SLC25A46: variants seen among roughly 807,000 people sequenced by gnomAD.
SLC25A46 encodes solute carrier family 25 member 46, also known as mitochondrial outer membrane protein SLC25A46.
A neutral mutation model predicts 44.6 loss-of-function variants in SLC25A46; 39 were observed. The ratio of observed to expected loss-of-function variants is 0.87; its 90% confidence interval spans 0.68 to 1.14. SLC25A46 has a LOEUF of 1.14. SLC25A46 is among the 50% of genes most tolerant of loss of function. The pLI is 0.00. For synonymous variants in SLC25A46, 202 were observed against 185.8 expected (o/e 1.09, Z -0.71); for missense variants, 547 against 522.7 (o/e 1.05, Z -0.45).
Position 110,739,384 on chromosome 5 carries a change from G to C in SLC25A46, c.265G>C (p.Val89Leu), listed in dbSNP as rs777269362. Residue 89 changes from valine to leucine, a missense_variant, in exon 1 of 8, where the codon GTG becomes CTG. Physicochemically the swap from Val to Leu is conservative, Grantham distance 32 (BLOSUM62 1). Transcript: ENST00000355943. ...EPFSSGGGGS[V>L]QGQSSEQLNR... Reference sequence around the variant, plus strand: ...CTTTTCCAGTGGCGGCGGCGGCAGTGTGCAGGGGCAGAGCAGTGGTGAGAA... The same window carrying C: ...CTTTTCCAGTGGCGGCGGCGGCAGTCTGCAGGGGCAGAGCAGTGGTGAGAA... The C allele has an allele frequency of 2.4e-5, 37 of 1,547,198 alleles. No individual in the cohort carries two copies. The highest frequency in any genetic ancestry group is 2.2e-4 in the South Asian group (19 of 84,664).
chr5:110,756,302 G>T (rs1800110394), intron 6 of SLC25A46, among the ~76,000 whole-genome samples: 1 of 151,696 alleles, frequency 6.6e-6, no homozygotes, highest in African/African-American at 2.4e-5. Context: ...AACTCTGCTG[G>T]ATGGGAAATC....
At chr5:110,755,620 A>G (rs1415828783) in intron 6 of SLC25A46, 99 bp downstream of exon 6, 12 of 699,768 alleles carry the variant, frequency 1.7e-5, no homozygotes, top group Non-Finnish European at 2.8e-5. Context: ...AGAGAAGGAA[A>G]TTAGAGCAGT....
intron 1 of SLC25A46, chr5:110,741,530 T>A (rs1799689821): frequency 6.6e-6 from 1 of 152,340 alleles, no homozygotes; most frequent in Admixed American, 6.5e-5. Context: ...ATAACTAGTT[T>A]TACAGCATAA....
intron 5 of SLC25A46, among the ~76,000 whole-genome samples, chr5:110,753,039 T>C (rs75811300): frequency 3.3e-5 from 5 of 151,662 alleles, no homozygotes; most frequent in Admixed American, 3.3e-4. Context: ...GGGCAAAGAG[T>C]GCTTCAAGGA....
At chr5:110,755,146 T>G (rs921108182) in intron 5 of SLC25A46, 1 of 187,310 alleles carries the variant, frequency 5.3e-6, no homozygotes, top group Admixed American at 6.3e-5. Context: ...TGTTTCCATA[T>G]CTATTCTCTT....
At chr5:110,756,882 T>A in intron 7 of SLC25A46, 123 bp downstream of exon 7, 6 of 532,806 alleles carry the variant, frequency 1.1e-5, no homozygotes, top group Non-Finnish European at 1.6e-5. Flanking sequence ...ATATTTATTT[T>A]ATAAATATCA....
chr5:110,749,538 T>G (rs1489935371), intron 5 of SLC25A46, among the ~76,000 whole-genome samples: 1 of 151,194 alleles, frequency 6.6e-6, no homozygotes, highest in Non-Finnish European at 1.5e-5. Context: ...GGGGAGATAA[T>G]GAGAGAAATT....
chr5:110,755,241 G>A (rs1800077423), intron 5 of SLC25A46: 1 of 332,702 alleles, frequency 3.0e-6, no homozygotes, highest in Non-Finnish European at 5.5e-6. Context: ...TTCTCTGCCA[G>A]CCCCTTCTAT....
chr5:110,747,945 A>G (rs1201802068), intron 4 of SLC25A46, among the ~76,000 whole-genome samples: 1 of 152,174 alleles, frequency 6.6e-6, no homozygotes, highest in East Asian at 1.9e-4. Flanking sequence ...GATATTTAAT[A>G]AATTAGTTAA....
At chr5:110,750,212 T>G (rs1206566747) in intron 5 of SLC25A46, among the ~76,000 whole-genome samples, 1 of 120,588 alleles carries the variant, frequency 8.3e-6, no homozygotes, top group Non-Finnish European at 1.7e-5. Context: ...AAAACAAAGA[T>G]TAGAAAGGTC....
At chr5:110,758,182 G>A (rs1223171233) in intron 7 of SLC25A46, among the ~76,000 whole-genome samples, 1 of 151,448 alleles carries the variant, frequency 6.6e-6, no homozygotes, top group Admixed American at 6.6e-5. Context: ...TTTCAATAAT[G>A]CCTTTGCCAT....
chr5:110,749,337 A>C (rs1799900362), intron 5 of SLC25A46, among the ~76,000 whole-genome samples: 1 of 152,136 alleles, frequency 6.6e-6, no homozygotes, highest in Non-Finnish European at 1.5e-5. Flanking sequence ...GAGTAAAAAA[A>C]AAAAAATAGA....
At position 110,739,082 on chromosome 5, in the gene SLC25A46, G is replaced by A; in HGVS notation, c.-38G>A. 6.5e-7 allele frequency: 1 copy of A among 1,536,292 alleles called. No homozygotes were observed. Among genetic ancestry groups the A allele is most frequent in the Non-Finnish European group, 8.7e-7 (1 of 1,144,892 alleles). On this transcript the variant is annotated 5_prime_UTR_variant, in exon 1 of 8. Transcript: ENST00000355943. ...GGTCGTGGTGGCCCCGGTGGTGGTGGGCTCCGGGCGGGCTCGCGTCATCCT... is the reference window on the plus strand; with the variant it reads ...GGTCGTGGTGGCCCCGGTGGTGGTGAGCTCCGGGCGGGCTCGCGTCATCCT...
At chr5:110,742,013 CT>C in intron 1 of SLC25A46, 33 bp from the exon 2 acceptor site, 1 of 1,419,022 alleles carries the variant, frequency 7.0e-7, no homozygotes, top group Non-Finnish European at 9.7e-7. Flanking sequence ...TATCAGTAAT[CT>C]TATTTTTTTA....
chr5:110,739,559 A>C (rs926355695), intron 1 of SLC25A46, among the ~76,000 whole-genome samples, 157 bp downstream of exon 1: 1 of 152,208 alleles, frequency 6.6e-6, no homozygotes, highest in Non-Finnish European at 1.5e-5. Flanking sequence ...TCTGCCCCTG[A>C]GGCTGGCCTC....
intron 5 of SLC25A46, among the ~76,000 whole-genome samples, chr5:110,750,313 T>C (rs1430760480): frequency 6.6e-6 from 1 of 152,086 alleles, no homozygotes; most frequent in Non-Finnish European, 1.5e-5. Flanking sequence ...ATTGCTTTTA[T>C]ATCACTAGAT....
At position 110,743,760 on chromosome 5, in the gene SLC25A46, T is replaced by C; in HGVS notation, c.357T>C (p.Pro119=). The C allele has an allele frequency of 6.2e-7, 1 of 1,606,690 alleles. No individual in the cohort carries two copies. The highest frequency in any genetic ancestry group is 8.5e-7 in the Non-Finnish European group (1 of 1,175,344). ...SLFTENVLAH[P]CIVLRRQCQV... is the part of the protein sequence containing the mutation. Reference sequence around the variant, plus strand: ...TTACAGAAAATGTATTGGCACATCCTTGCATTGTTCTACGCCGCCAATGTC... The same window carrying C: ...TTACAGAAAATGTATTGGCACATCCCTGCATTGTTCTACGCCGCCAATGTC... The change falls in exon 3 of 8, where the codon CCT becomes CCC. Residue 119 remains proline, a synonymous_variant. Coordinates refer to ENST00000355943, the MANE Select transcript of SLC25A46 (RefSeq NM_138773.4).
intron 1 of SLC25A46, among the ~76,000 whole-genome samples, chr5:110,739,641 C>G (rs1799576766): frequency 6.6e-6 from 1 of 152,224 alleles, no homozygotes; most frequent in African/African-American, 2.4e-5. Context: ...GGGTGCATAG[C>G]AGGAATTTTT....
Position 110,764,681 on chromosome 5 carries a change from A to G in SLC25A46, c.*2899A>G, listed in dbSNP as rs1047221787. 1.3e-5 allele frequency: 2 copies of G among 151,972 alleles called. No homozygotes were observed. Among genetic ancestry groups the G allele is most frequent in the African/African-American group, 4.8e-5 (2 of 41,426 alleles). The allele number at this position is 151,972 out of a possible 1,614,324, so 9.4% of individuals were successfully genotyped here. ...ACATCTGTTCAGGAAATGGAAAAAA[A>G]AAATGCTGCTTAAATTTGTTTTATC... On this transcript the variant is annotated 3_prime_UTR_variant, in exon 8 of 8. Coordinates refer to ENST00000355943, the MANE Select transcript of SLC25A46 (RefSeq NM_138773.4).
Sources: gnomAD v4.1 joint callset for allele counts (sites outside exome capture counted in the v4.1 genomes callset) on GRCh38, gnomAD v4.1.1 for gene constraint, MANE v1.5 for transcripts, NCBI Gene and HGNC (gene_info 2026-07-23, HGNC 2026-07-21) for gene names.